ADORA2B: variants seen among roughly 807,000 people sequenced by gnomAD.
ADORA2B encodes the protein adenosine A2b receptor, also known as adenosine receptor A2b.
ADORA2B carries 18 observed loss-of-function variants against 20.8 expected under a neutral mutation model. That is an observed-to-expected ratio of 0.87 (90% CI 0.60 to 1.29). The LOEUF (loss-of-function observed/expected upper bound fraction) is 1.29. Ranked by LOEUF, ADORA2B falls within the 50% of genes most tolerant of loss-of-function variation. ADORA2B has a pLI of 0.00. For missense variants in ADORA2B, 441 were observed against 422.7 expected, an observed-to-expected ratio of 1.04 and a Z score of -0.38; for synonymous variants, 179 against 178.3, an observed-to-expected ratio of 1.00 and a Z score of -0.03.
the ADORA2B span, among the ~76,000 whole-genome samples, chr17:15,866,694 T>TGCCGCTGCCG: frequency 7.0e-6 from 1 of 143,788 alleles, no homozygotes; most frequent in East Asian, 2.1e-4. Context: ...TCCCTCTGCC[T>TGCCGCTGCCG]CTGCCTCTGC....
chr17:15,855,652 A>G, the ADORA2B span, among the ~76,000 whole-genome samples: 3 of 151,802 alleles, frequency 2.0e-5, no homozygotes, highest in Admixed American at 6.6e-5. Context: ...ACGGTTAACT[A>G]TAAGCACAAT....
the ADORA2B span, among the ~76,000 whole-genome samples, chr17:15,873,755 G>A: frequency 7.2e-5 from 11 of 152,250 alleles, no homozygotes; most frequent in East Asian, 5.8e-4. Context: ...AAATGTTGGC[G>A]TGGATGTGGG....
the ADORA2B span, among the ~76,000 whole-genome samples, chr17:15,871,041 C>T: frequency 0.21 from 31,909 of 152,092 alleles, 3,934 homozygotes; most frequent in Non-Finnish European, 0.28. Flanking sequence ...ACGAAGGGCT[C>T]TCCCGTGTTG....
chr17:15,905,876 G>A, the ADORA2B span, among the ~76,000 whole-genome samples: 1 of 151,964 alleles, frequency 6.6e-6, no homozygotes, highest in African/African-American at 2.4e-5. Flanking sequence ...GGCTGGTCGC[G>A]AACTCCTGAC....
At chr17:15,880,897 A>G in the ADORA2B span, among the ~76,000 whole-genome samples, 1 of 152,232 alleles carries the variant, frequency 6.6e-6, no homozygotes, top group South Asian at 2.1e-4. Flanking sequence ...AAGATTGCTT[A>G]CCAGCTTGCG....
chr17:15,963,103 GT>G (rs941056193), intron 1 of ADORA2B, among the ~76,000 whole-genome samples: 3 of 151,784 alleles, frequency 2.0e-5, no homozygotes, highest in Admixed American at 1.3e-4. Context: ...GAGGTAGGAG[GT>G]TTTTTTTAAT....
intron 1 of ADORA2B, among the ~76,000 whole-genome samples, chr17:15,958,549 C>G (rs1012956653): frequency 6.6e-6 from 1 of 152,160 alleles, no homozygotes; most frequent in African/African-American, 2.4e-5. Context: ...CTCCCTTGCC[C>G]CTACTCCCCA....
chr17:15,959,358 G>T (rs1000746429), intron 1 of ADORA2B, among the ~76,000 whole-genome samples: 1 of 152,054 alleles, frequency 6.6e-6, no homozygotes, highest in African/African-American at 2.4e-5. Context: ...ACAGTGTATT[G>T]TTTCACAGCT....
intron 1 of ADORA2B, among the ~76,000 whole-genome samples, chr17:15,970,435 G>A (rs1970177547): frequency 6.6e-6 from 1 of 152,148 alleles, no homozygotes; most frequent in South Asian, 2.1e-4. Flanking sequence ...CTAGTAGGAA[G>A]CCACCCCTAT....
the ADORA2B span, among the ~76,000 whole-genome samples, chr17:15,902,582 A>G: frequency 6.6e-6 from 1 of 152,336 alleles, no homozygotes; most frequent in East Asian, 1.9e-4. Flanking sequence ...TCATCAGCCA[A>G]TATTTTCCAA....
At chr17:15,879,858 T>A in the ADORA2B span, among the ~76,000 whole-genome samples, 2 of 147,660 alleles carry the variant, frequency 1.4e-5, no homozygotes, top group Non-Finnish European at 2.9e-5. Context: ...ATACTCTGGT[T>A]ATAAGACTCT....
the ADORA2B span, among the ~76,000 whole-genome samples, chr17:15,915,953 G>A: frequency 0.019 from 2,873 of 152,202 alleles, 105 homozygotes; most frequent in African/African-American, 0.065. Context: ...AAAGTTAACC[G>A]TCACACAAGC....
chr17:15,896,446 A>C, the ADORA2B span, among the ~76,000 whole-genome samples: 1 of 152,206 alleles, frequency 6.6e-6, no homozygotes, highest in Non-Finnish European at 1.5e-5. Context: ...CCACAATGAG[A>C]TGTGTCGCCA....
chr17:15,950,223 C>G (rs1334635311), intron 1 of ADORA2B, among the ~76,000 whole-genome samples: 1 of 152,184 alleles, frequency 6.6e-6, no homozygotes, highest in African/African-American at 2.4e-5. Context: ...AGGTGGAGGC[C>G]ACAGCCAAGG....
At chr17:15,914,114 T>C in the ADORA2B span, among the ~76,000 whole-genome samples, 1 of 152,194 alleles carries the variant, frequency 6.6e-6, no homozygotes, top group Non-Finnish European at 1.5e-5. Context: ...AAATGAGCCA[T>C]ACTGAGTCCT....
chr17:15,883,969 G>C, the ADORA2B span, among the ~76,000 whole-genome samples: 2 of 152,166 alleles, frequency 1.3e-5, no homozygotes, highest in South Asian at 2.1e-4. Context: ...ATTTGGTCTT[G>C]ACCACAATCC....
the ADORA2B span, among the ~76,000 whole-genome samples, chr17:15,912,770 C>T: frequency 4.6e-5 from 7 of 152,206 alleles, no homozygotes; most frequent in Non-Finnish European, 1.0e-4. Context: ...TGACTTAGCA[C>T]TTGGGACGAT....
At chr17:15,855,742 C>A in the ADORA2B span, among the ~76,000 whole-genome samples, 13 of 152,104 alleles carry the variant, frequency 8.5e-5, no homozygotes, top group Non-Finnish European at 8.8e-5. Flanking sequence ...AGGTTTGTTA[C>A]AATGGGTATA....
chr17:15,967,375 G>C (rs978375577), intron 1 of ADORA2B, among the ~76,000 whole-genome samples: 2 of 152,126 alleles, frequency 1.3e-5, no homozygotes, highest in African/African-American at 4.8e-5. Context: ...TGGGATCACA[G>C]GCATGCGCCA....
Sources: allele counts gnomAD v4.1 joint callset (sites outside exome capture counted in the v4.1 genomes callset), GRCh38; gene constraint gnomAD v4.1.1; transcripts MANE v1.5; gene names NCBI Gene and HGNC (gene_info 2026-07-23, HGNC 2026-07-21).